BTNL8: variants seen among roughly 807,000 people sequenced by gnomAD.
The protein encoded by BTNL8 is butyrophilin like 8.
BTNL8 carries 22 observed loss-of-function variants against 36.1 expected under a neutral mutation model. The observed-to-expected ratio is 0.61, with a 90% CI of 0.44 to 0.87. The LOEUF is 0.87. BTNL8 is among the 40% of genes least tolerant of loss of function. The pLI is 0.00. For synonymous variants in BTNL8, 203 were observed against 235.6 expected, an observed-to-expected ratio of 0.86 and a Z score of 1.27; for missense variants, 526 against 616.9, an observed-to-expected ratio of 0.85 and a Z score of 1.56.
intron 3 of BTNL8, among the ~76,000 whole-genome samples, chr5:180,925,000 A>G (rs1304808361): frequency 2.0e-5 from 3 of 152,244 alleles, no homozygotes; most frequent in Non-Finnish European, 4.4e-5. Context: ...GATGAATACA[A>G]TAACTGAACC....
intron 2 of BTNL8, among the ~76,000 whole-genome samples, chr5:180,909,277 G>A (rs1054275165): frequency 3.3e-5 from 5 of 152,172 alleles, no homozygotes; most frequent in Non-Finnish European, 5.9e-5. Flanking sequence ...GCTTCACACC[G>A]CAGGTGACCT....
chr5:180,902,269 G>GAA, intron 1 of BTNL8: 1 of 1,361,140 alleles, frequency 7.3e-7, no homozygotes, highest in Non-Finnish European at 1.0e-6. Flanking sequence ...TCTACATTCA[G>GAA]AAAGAGACTT....
rs576421308 is a variant in BTNL8 at position 180,921,373 on chromosome 5, C to T, written c.673+9759C>T. 4.0e-5 allele frequency among the ~76,000 whole-genome samples: 6 copies of T among 151,890 alleles called. No homozygotes were observed. In the South Asian group the frequency reaches 1.2e-3, roughly 32 times the overall value. On this transcript the variant is annotated intron_variant, in intron 3 of 7. Transcript: ENST00000340184. ...GAGGTAATCCCGACACATGGATGAA[C>T]ATGGAGGACATTATGTTAAGTAAAA...
intron 3 of BTNL8, among the ~76,000 whole-genome samples, chr5:180,920,805 C>T (rs1757830003): frequency 6.6e-6 from 1 of 151,982 alleles, no homozygotes; most frequent in East Asian, 1.9e-4. Context: ...CCCCAAAAGA[C>T]ATATAAATAT....
intron 3 of BTNL8, among the ~76,000 whole-genome samples, chr5:180,938,685 G>A (rs1758782538): frequency 2.0e-5 from 3 of 151,554 alleles, no homozygotes; most frequent in Non-Finnish European, 2.9e-5. Flanking sequence ...TTACAGGCAC[G>A]CACCACCACA....
intron 3 of BTNL8, among the ~76,000 whole-genome samples, chr5:180,918,459 C>T (rs918445533): frequency 1.3e-5 from 2 of 152,152 alleles, no homozygotes; most frequent in African/African-American, 4.8e-5. Flanking sequence ...CAATATTCAG[C>T]ATCTTTTCAT....
At chr5:180,930,325 T>C (rs144069752) in intron 3 of BTNL8, among the ~76,000 whole-genome samples, 2,435 of 152,270 alleles carry the variant, frequency 0.016, 73 homozygotes, top group African/African-American at 0.055. Context: ...TAATAAGAGC[T>C]ACTTATGACA....
At chr5:180,945,875 G>A (rs772362696) in intron 3 of BTNL8, 37 of 426,160 alleles carry the variant, frequency 8.7e-5, no homozygotes, top group Non-Finnish European at 1.1e-4. Context: ...CCATCAGCAC[G>A]CAAAGGACAT....
At chr5:180,907,784 G>A (rs1174135595) in intron 1 of BTNL8, among the ~76,000 whole-genome samples, 2 of 151,884 alleles carry the variant, frequency 1.3e-5, no homozygotes, top group Admixed American at 6.6e-5. Context: ...TGCCGTGTGA[G>A]GTGTCAGTGT....
rs574786683 is a variant in BTNL8, at chr5:180,911,535, A to G, written c.594A>G (p.Gln198=). Residue 198 remains glutamine, a synonymous_variant, in exon 3 of 8, where the codon CAA becomes CAG. Coordinates refer to ENST00000340184, the MANE Select transcript of BTNL8 (RefSeq NM_001040462.3). ...ATGTGGAGATCTCTCTGACCGTCCA[A>G]GAGAACGCCGGGAGCATATCCTGTT... ...LFDVEISLTV[Q]ENAGSISCSM... The G allele has an allele frequency of 2.2e-5, 36 of 1,614,072 alleles. No individual in the cohort carries two copies. In the South Asian group the frequency reaches 3.7e-4, roughly 17 times the overall value.
At chr5:180,940,305 C>T (rs890744104) in intron 3 of BTNL8, among the ~76,000 whole-genome samples, 1 of 149,692 alleles carries the variant, frequency 6.7e-6, no homozygotes, top group Non-Finnish European at 1.5e-5. Flanking sequence ...TGCTGCTGCA[C>T]TTCAGCCTGG....
At chr5:180,934,410 C>T (rs1206179520) in intron 3 of BTNL8, among the ~76,000 whole-genome samples, 1 of 152,178 alleles carries the variant, frequency 6.6e-6, no homozygotes, top group Non-Finnish European at 1.5e-5. Flanking sequence ...TGGGCTTGTT[C>T]TGCCCCCTTG....
chr5:180,921,147 T>C (rs1354477255), intron 3 of BTNL8, among the ~76,000 whole-genome samples: 3 of 152,080 alleles, frequency 2.0e-5, no homozygotes, highest in African/African-American at 7.2e-5. Flanking sequence ...GTAACCTCAT[T>C]GATAATTTAT....
chr5:180,940,445 A>C (rs181535805), intron 3 of BTNL8, among the ~76,000 whole-genome samples: 1 of 152,292 alleles, frequency 6.6e-6, no homozygotes, highest in African/African-American at 2.4e-5. Context: ...CATCATAAAA[A>C]GTATAAATAT....
intron 2 of BTNL8, 73 bp downstream of exon 2, chr5:180,909,006 G>A (rs185316849): frequency 6.8e-7 from 1 of 1,462,800 alleles, no homozygotes; most frequent in East Asian, 2.3e-5. Context: ...TTTTCAATAA[G>A]GAAATTTTAA....
intron 1 of BTNL8, among the ~76,000 whole-genome samples, chr5:180,901,390 G>A: frequency 6.8e-6 from 1 of 147,194 alleles, no homozygotes; most frequent in East Asian, 1.9e-4. Flanking sequence ...AGAAGGTGAA[G>A]GGAGTGGGCC....
intron 3 of BTNL8, among the ~76,000 whole-genome samples, chr5:180,925,778 G>A (rs545294363): frequency 4.3e-4 from 65 of 152,206 alleles, no homozygotes; most frequent in South Asian, 1.0e-3. Context: ...GGTATTTAAA[G>A]CTAATTTATC....
rs1355049953 is a variant in BTNL8 at position 180,950,540 on chromosome 5, T to G, written c.1499T>G (p.Met500Arg). The G allele has an allele frequency of 1.8e-5, 26 of 1,461,340 alleles. 5 individuals carry two copies. The highest frequency in any genetic ancestry group is 2.4e-5 in the Non-Finnish European group (25 of 1,058,822). 90.5% of individuals were successfully genotyped at this position (1,461,340 alleles called of 1,614,324 possible). A position where few individuals can be genotyped will look rare whatever the true frequency, so the allele number is the denominator to read the frequency against. The change falls in exon 8 of 8, where the codon ATG becomes AGG. Residue 500 changes from methionine (M) to arginine (R), a missense_variant. Around this residue, in one of 2 missense-constraint regions of BTNL8, gnomAD observed 176 missense variants for 292.3 expected, o/e 0.60. Coordinates refer to ENST00000340184, the MANE Select transcript of BTNL8 (RefSeq NM_001040462.3). ...ATTPFLPRGE[M>R] ...ACGCCCTTCCTCCCCAGGGGTGAAA[T>G]GTAGGATGAATCACATCCCACATTC...
intron 1 of BTNL8, among the ~76,000 whole-genome samples, chr5:180,907,060 A>G (rs1757112981): frequency 9.5e-6 from 1 of 105,276 alleles, no homozygotes. Flanking sequence ...CTGAATCTGA[A>G]CGTTGTCCTG....
Sources: gnomAD v4.1 joint callset for allele counts (sites outside exome capture counted in the v4.1 genomes callset) on GRCh38, gnomAD v4.1.1 for gene constraint, gnomAD v4.1.1 regional missense constraint, MANE v1.5 for transcripts, NCBI Gene and HGNC (gene_info 2026-07-23, HGNC 2026-07-21) for gene names.